KALRN: variants seen among roughly 807,000 people sequenced by gnomAD.
The protein encoded by KALRN is kalirin.
A neutral mutation model predicts 353.7 loss-of-function variants in KALRN; 70 were observed. The ratio of observed to expected loss-of-function variants is 0.20; its 90% CI spans 0.16 to 0.24. KALRN has a LOEUF of 0.24. KALRN is among the 10% of genes least tolerant of loss of function. KALRN has a pLI of 1.00. For synonymous variants in KALRN, 1,391 were observed against 1,434.8 expected, an observed-to-expected ratio of 0.97 and a Z score of 0.69; for missense variants, 2,791 against 3,756.7, an observed-to-expected ratio of 0.74 and a Z score of 6.72.
chr3:124,362,958 T>C (rs924249702), intron 10 of KALRN, among the ~76,000 whole-genome samples: 1 of 152,166 alleles, frequency 6.6e-6, no homozygotes, highest in African/African-American at 2.4e-5. Context: ...CCGCTGTAGC[T>C]GTCACTCTGA....
At chr3:124,618,548 T>C (rs984583387) in intron 34 of KALRN, among the ~76,000 whole-genome samples, 1 of 152,208 alleles carries the variant, frequency 6.6e-6, no homozygotes, top group African/African-American at 2.4e-5. Flanking sequence ...TTTGTGCTTA[T>C]TACTAGGGCT....
chr3:124,627,876 G>A (rs603634), intron 34 of KALRN, among the ~76,000 whole-genome samples: 53,441 of 152,066 alleles, frequency 0.35, 10,862 homozygotes, highest in African/African-American at 0.56. Context: ...CAAGTTAGTC[G>A]AGCTCCTAAT....
At position 124,384,916 on chromosome 3, in the gene KALRN, C is replaced by G. The variant is rs147667130; in HGVS notation, c.1842C>G (p.Pro614=). The change falls in exon 11 of 60, where the codon CCC becomes CCG. Residue 614 remains proline (P), a synonymous_variant. Coordinates refer to ENST00000682506, the MANE Select transcript of KALRN (RefSeq NM_001388419.1). ...TGGCTCAGACGGGGGAATGTGACCCCGAGGAGATCTACAAGGCAGCTCGAC... is the reference window on the plus strand; with the variant it reads ...TGGCTCAGACGGGGGAATGTGACCCGGAGGAGATCTACAAGGCAGCTCGAC... ...EQLAQTGECD[P]EEIYKAARHL... is the part of the protein sequence containing the mutation. 2 of 1,613,936 alleles carry G rather than the reference C, an allele frequency of 1.2e-6. No homozygotes were observed. The highest frequency in any genetic ancestry group is 1.7e-4 in the Middle Eastern group (1 of 6,060).
chr3:124,377,417 G>A (rs1324684627), intron 10 of KALRN, among the ~76,000 whole-genome samples: 3 of 151,916 alleles, frequency 2.0e-5, no homozygotes, highest in Admixed American at 6.6e-5. Flanking sequence ...AAAATATGTT[G>A]TATGACTTGC....
chr3:124,442,307 G>T (rs1197532633), intron 19 of KALRN, among the ~76,000 whole-genome samples: 1 of 152,208 alleles, frequency 6.6e-6, no homozygotes. Flanking sequence ...AGTCTGGACA[G>T]CACTGCCTAG....
intron 34 of KALRN, chr3:124,584,725 G>T (rs988912339): frequency 6.7e-7 from 1 of 1,495,492 alleles, no homozygotes; most frequent in African/African-American, 1.4e-5. Context: ...GGCGGGAGCC[G>T]GCTCTCGGGC....
chr3:124,114,929 C>A (rs771377918), intron 1 of KALRN, among the ~76,000 whole-genome samples: 4 of 152,104 alleles, frequency 2.6e-5, no homozygotes, highest in Non-Finnish European at 5.9e-5. Flanking sequence ...GAATGCCTAC[C>A]CTGTGCAGGC....
At position 124,721,586 on chromosome 3, in the gene KALRN, T is replaced by C. The variant is rs1202066443; in HGVS notation, c.*2116T>C. The C allele has an allele frequency of 6.6e-6, 1 of 152,238 alleles. No homozygotes were observed. Among genetic ancestry groups the C allele is most frequent in the Non-Finnish European group, 1.5e-5 (1 of 68,046 alleles). The allele number at this position is 152,238 out of a possible 1,614,324, so 9.4% of individuals were successfully genotyped here. On this transcript the variant is annotated 3_prime_UTR_variant, in exon 60 of 60. Coordinates refer to ENST00000682506, the MANE Select transcript of KALRN (RefSeq NM_001388419.1). ...GTGTTTAAAAAATTTAAAACATATT[T>C]ACTAAAAATCCTTTTAGTAAACAGT...
chr3:124,308,216 T>C (rs1342304633), intron 6 of KALRN, among the ~76,000 whole-genome samples: 8 of 152,036 alleles, frequency 5.3e-5, no homozygotes, highest in African/African-American at 1.9e-4. Context: ...AATTCAAGTG[T>C]ATTAATTGGA....
At chr3:124,646,051 T>A (rs1358395875) in intron 37 of KALRN, among the ~76,000 whole-genome samples, 1 of 152,188 alleles carries the variant, frequency 6.6e-6, no homozygotes, top group Admixed American at 6.5e-5. Flanking sequence ...TTGTTCTTAA[T>A]AGCCATCCTA....
chr3:124,531,892 G>A (rs574080516), intron 33 of KALRN, among the ~76,000 whole-genome samples: 1 of 152,248 alleles, frequency 6.6e-6, no homozygotes, highest in Admixed American at 6.5e-5. Context: ...TGAATGATAG[G>A]TCTCATATGT....
At chr3:124,456,081 A>G (rs1395401206) in intron 22 of KALRN, among the ~76,000 whole-genome samples, 1 of 152,216 alleles carries the variant, frequency 6.6e-6, no homozygotes, top group Non-Finnish European at 1.5e-5. Flanking sequence ...TATAAATACC[A>G]AATGGTGGTT....
At chr3:124,511,963 G>C (rs2065956128) in intron 33 of KALRN, among the ~76,000 whole-genome samples, 1 of 152,200 alleles carries the variant, frequency 6.6e-6, no homozygotes, top group Non-Finnish European at 1.5e-5. Flanking sequence ...TGAATCACAA[G>C]ATCCATGAAC....
chr3:124,329,258 G>C (rs1219662138), intron 7 of KALRN, among the ~76,000 whole-genome samples: 1 of 152,208 alleles, frequency 6.6e-6, no homozygotes, highest in Non-Finnish European at 1.5e-5. Flanking sequence ...AGTAGGTGTA[G>C]CACAGCCTGT....
rs539724117 is a variant in KALRN at position 124,109,917 on chromosome 3, T to C, written c.73+76104T>C. The stretch of plus-strand genomic sequence containing the variant: ...ATGACATATATATCATACTTTGATA[T>C]ATATATGACATATATGTCATACTTT... On this transcript the variant is annotated intron_variant, in intron 1 of 59. Transcript: ENST00000682506. 1.3e-4 allele frequency among the ~76,000 whole-genome samples: 7 copies of C among 54,646 alleles called. 2 individuals carry two copies. The highest frequency in any genetic ancestry group is 4.9e-4 in the African/African-American group (7 of 14,396). 35.8% of individuals were successfully genotyped at this position (54,646 alleles called of 152,430 possible).
At chr3:124,407,974 C>T (rs930525841) in intron 13 of KALRN, among the ~76,000 whole-genome samples, 19 of 152,144 alleles carry the variant, frequency 1.2e-4, no homozygotes, top group Admixed American at 2.6e-4. Context: ...GGGGTTTCAC[C>T]GTGTTAGCTA....
At chr3:124,691,688 T>A (rs754543334) in intron 51 of KALRN, among the ~76,000 whole-genome samples, 4 of 152,178 alleles carry the variant, frequency 2.6e-5, no homozygotes, top group African/African-American at 4.8e-5. Flanking sequence ...CTGTTAACAT[T>A]TAGAAAATAT....
chr3:124,223,577 T>C (rs1436860577), intron 1 of KALRN, among the ~76,000 whole-genome samples: 5 of 152,238 alleles, frequency 3.3e-5, no homozygotes, highest in Non-Finnish European at 1.5e-5. Context: ...GAGCAATCCA[T>C]GGATACTCTG....
rs1013195917 is a variant in KALRN, at chr3:124,653,026, C to T, written c.5795+2088C>T. Among the ~76,000 whole-genome samples, 14 of 152,234 alleles carry T rather than the reference C, an allele frequency of 9.2e-5. No homozygotes were observed. The East Asian group carries it at 2.3e-3, about 25-fold the overall frequency. On this transcript the variant is annotated intron_variant, in intron 38 of 59. Coordinates refer to ENST00000682506, the MANE Select transcript of KALRN (RefSeq NM_001388419.1). The stretch of plus-strand genomic sequence containing the variant: ...CTCTTCTCATTCTTGCCAAAATCCA[C>T]ACCTCTTCACATCCTGAGCTATCTT...
Sources: allele counts gnomAD v4.1 joint callset (sites outside exome capture counted in the v4.1 genomes callset), GRCh38; gene constraint gnomAD v4.1.1; transcripts MANE v1.5; gene names NCBI Gene and HGNC (gene_info 2026-07-23, HGNC 2026-07-21).